ABCB4: variants seen among roughly 807,000 people sequenced by gnomAD.
The protein encoded by ABCB4 is ATP binding cassette subfamily B member 4.
Under a neutral mutation model 145.7 loss-of-function variants are expected in ABCB4, and 76 were observed. That is an observed-to-expected ratio of 0.52 (90% confidence interval 0.43 to 0.63). ABCB4 has a LOEUF of 0.63. Among genes scored for constraint, ABCB4 ranks in the 30% least tolerant of loss-of-function variants. The pLI is 0.00. For synonymous variants in ABCB4, 517 were observed against 566.8 expected (o/e 0.91, Z 1.25); for missense variants, 1,234 against 1,553.1 (o/e 0.79, Z 3.45).
downstream of ABCB4, chr7:87,398,623 G>A: frequency 6.2e-7 from 1 of 1,613,402 alleles, no homozygotes; most frequent in Admixed American, 1.7e-5. Context: ...TGATACAGCT[G>A]ATGAACTCTA....
chr7:87,460,640 A>G (rs1812394995), intron 4 of ABCB4, among the ~76,000 whole-genome samples: 2 of 150,724 alleles, frequency 1.3e-5, no homozygotes, highest in Non-Finnish European at 3.0e-5. Context: ...TTATTTATTT[A>G]TTTATTTATT....
the ABCB4 span, among the ~76,000 whole-genome samples, chr7:87,369,873 T>C: frequency 7.1e-6 from 1 of 140,158 alleles, no homozygotes; most frequent in Non-Finnish European, 1.5e-5. Flanking sequence ...ATGGTATACA[T>C]CTTCTATGTA....
rs1250020639 is a variant in ABCB4, at chr7:87,454,592, A to G, written c.287T>C (p.Val96Ala). The G allele has an allele frequency of 6.2e-7, 1 of 1,607,108 alleles. No homozygotes were observed. Among genetic ancestry groups the G allele is most frequent in the Non-Finnish European group, 8.5e-7 (1 of 1,175,532 alleles). ...VDTAGNFSFP[V>A]NFSLSLLNPG... ...ATTTAGCAGCGACAAGGAAAAGTTC[A>G]CTAAATTAAAAAATAAAATAAAACA... The change falls in exon 5 of 28, where the codon GTG (valine) becomes GCG (alanine). Residue 96 changes from valine to alanine, a missense_variant and splice_region_variant. Val to Ala is a moderately conservative substitution (Grantham distance 64, BLOSUM62 0). Transcript: ENST00000649586.
the ABCB4 span, among the ~76,000 whole-genome samples, chr7:87,366,767 G>A: frequency 2.0e-5 from 3 of 152,052 alleles, no homozygotes; most frequent in African/African-American, 4.8e-5. Context: ...CCTAAACATC[G>A]TTTAAAATTT....
chr7:87,420,342 T>C (rs2116495313), intron 18 of ABCB4, among the ~76,000 whole-genome samples: 1 of 152,298 alleles, frequency 6.6e-6, no homozygotes, highest in Non-Finnish European at 1.5e-5. Flanking sequence ...GATTGAGCTC[T>C]GACACCACCC....
At chr7:87,472,818 G>T in intron 2 of ABCB4, 143 bp from the exon 3 acceptor site, 1 of 703,134 alleles carries the variant, frequency 1.4e-6, no homozygotes, top group Non-Finnish European at 2.4e-6. Context: ...AAATTATTCA[G>T]TTCAACAAAC....
chr7:87,384,481 G>A, the ABCB4 span, among the ~76,000 whole-genome samples: 3 of 152,216 alleles, frequency 2.0e-5, no homozygotes, highest in African/African-American at 7.2e-5. Flanking sequence ...GCAGTGAGCT[G>A]AGATCGTGCC....
intron 14 of ABCB4, among the ~76,000 whole-genome samples, chr7:87,437,148 T>C (rs1810663265): frequency 6.6e-6 from 1 of 152,234 alleles, no homozygotes; most frequent in African/African-American, 2.4e-5. Context: ...TGTTATCTCC[T>C]CAAATCTGGG....
At position 87,472,658 on chromosome 7, in the gene ABCB4, T is replaced by C. The variant is rs776880814; in HGVS notation, c.98A>G (p.Lys33Arg). 4 of 1,608,344 alleles carry C rather than the reference T, an allele frequency of 2.5e-6. No individual in the cohort carries two copies. The highest frequency in any genetic ancestry group is 2.7e-5 in the African/African-American group (2 of 74,814). The part of the protein sequence containing the change: ...LGISSKQKRK[K>R]TKTVKMIGVL... The stretch of plus-strand genomic sequence containing the variant: ...TCCAATCATTTTCACTGTCTTCGTT[T>C]TTTTCCTTTTTTGTTTGCTGTAAAA... The change falls in exon 3 of 28, where the codon AAA (lysine) becomes AGA (arginine). Residue 33 changes from lysine to arginine, a missense_variant. By Grantham distance (26) the Lys-to-Arg change is conservative. Coordinates refer to ENST00000649586, the MANE Select transcript of ABCB4 (RefSeq NM_000443.4).
chr7:87,444,278 G>A (rs17149608), intron 10 of ABCB4, among the ~76,000 whole-genome samples: 21,445 of 152,070 alleles, frequency 0.14, 1,587 homozygotes, highest in East Asian at 0.24. Context: ...CTCACGACTT[G>A]GATCAATGAA....
intron 16 of ABCB4, among the ~76,000 whole-genome samples, chr7:87,425,765 AC>A (rs1809761027): frequency 6.6e-6 from 1 of 152,106 alleles, no homozygotes; most frequent in Non-Finnish European, 1.5e-5. Flanking sequence ...AGTCCCGGCT[AC>A]TAAGGAGGCT....
chr7:87,376,765 A>ATG, the ABCB4 span, among the ~76,000 whole-genome samples: 565 of 152,160 alleles, frequency 3.7e-3, 3 homozygotes, highest in African/African-American at 0.013. Context: ...CTATATATAC[A>ATG]TGTGTATATG....
intron 23 of ABCB4, 118 bp downstream of exon 23, chr7:87,411,775 T>C: frequency 1.1e-6 from 1 of 931,054 alleles, no homozygotes; most frequent in Non-Finnish European, 1.7e-6. Context: ...CTGTGGTAAA[T>C]TTAAATCCCT....
intron 9 of ABCB4, among the ~76,000 whole-genome samples, chr7:87,445,824 T>G (rs1811307899): frequency 6.6e-6 from 1 of 152,198 alleles, no homozygotes; most frequent in Non-Finnish European, 1.5e-5. Context: ...GCCATAAGGT[T>G]AATGCAATAG....
chr7:87,447,469 T>C (rs750099445), intron 8 of ABCB4, among the ~76,000 whole-genome samples: 1 of 152,146 alleles, frequency 6.6e-6, no homozygotes, highest in Admixed American at 6.5e-5. Flanking sequence ...TATTCCAGAA[T>C]TGAGGGCTCA....
rs201303893 is a variant in ABCB4 at position 87,423,949 on chromosome 7, C to A, written c.2168G>T (p.Gly723Val). 6.2e-7 allele frequency: 1 copy of A among 1,613,910 alleles called. No homozygotes were observed. The highest frequency in any genetic ancestry group is 1.3e-5 in the African/African-American group (1 of 74,890). ...TATGACTGAAAATGCCGGCTGAAGC[C>A]CCCCATTGGCAATGGCACATACTGT... Reference protein sequence around the residue: ...VGTVCAIANGGLQPAFSVIFS... With the variant: ...VGTVCAIANGVLQPAFSVIFS... Residue 723 changes from glycine (G) to valine (V), a missense_variant, in exon 17 of 28, where the codon GGG becomes GTG. By Grantham distance (109) the Gly-to-Val change is moderately radical. Coordinates refer to ENST00000649586, the MANE Select transcript of ABCB4 (RefSeq NM_000443.4).
chr7:87,412,975 T>C (rs1808727900), intron 22 of ABCB4, among the ~76,000 whole-genome samples: 1 of 152,222 alleles, frequency 6.6e-6, no homozygotes, highest in African/African-American at 2.4e-5. Context: ...CTTTCAAAGA[T>C]ATCTGTTCAA....
rs756935975 is a variant in ABCB4 at position 87,431,432 on chromosome 7, C to T, written c.1865G>A (p.Gly622Glu). 1.2e-6 allele frequency: 2 copies of T among 1,614,054 alleles called. No homozygotes were observed. Among genetic ancestry groups the T allele is most frequent in the South Asian group, 1.1e-5 (1 of 91,076 alleles). Reference protein sequence around the residue: ...GSHSELMKKEGVYFKLVNMQT... With the variant: ...GSHSELMKKEEVYFKLVNMQT... ...CATGTTGACAAGTTTGAAGTACACC[C>T]CTTCCTTCTTCATCAGTTCGCTGTG... Residue 622 changes from glycine (G) to glutamate (E), a missense_variant, in exon 15 of 28, where the codon GGG becomes GAG. Gly to Glu is a moderately conservative substitution (Grantham distance 98). Coordinates refer to ENST00000649586, the MANE Select transcript of ABCB4 (RefSeq NM_000443.4).
In ABCB4 at chr7:87,444,861, C is replaced by A. The variant is rs1584750660; in HGVS notation, c.1119+1G>T. The A allele has an allele frequency of 3.8e-6, 6 of 1,599,818 alleles. No homozygotes were observed. The highest frequency in any genetic ancestry group is 4.3e-6 in the Non-Finnish European group (5 of 1,172,410). On this transcript the variant is annotated splice_donor_variant, in intron 10 of 27. Transcript: ENST00000649586. LOFTEE classifies it high-confidence loss of function. Reference sequence around the variant, plus strand: ...TGGCACTAAAATAATAAATGACTTACATTATCAATAATATCAAAGATCACA... The same window carrying A: ...TGGCACTAAAATAATAAATGACTTAAATTATCAATAATATCAAAGATCACA...
Sources: gnomAD v4.1 joint callset for allele counts (sites outside exome capture counted in the v4.1 genomes callset) on GRCh38, gnomAD v4.1.1 for gene constraint, MANE v1.5 for transcripts, NCBI Gene and HGNC (gene_info 2026-07-23, HGNC 2026-07-21) for gene names.